ZC3H12B: variants seen among roughly 807,000 people sequenced by gnomAD.
ZC3H12B encodes probable ribonuclease ZC3H12B.
ZC3H12B carries 7 observed loss-of-function variants against 43.9 expected under a neutral mutation model. The ratio of observed to expected loss-of-function variants is 0.16; its 90% confidence interval spans 0.09 to 0.30. The LOEUF is 0.30. ZC3H12B is among the 10% of genes least tolerant of loss of function. The pLI is 1.00. For synonymous variants in ZC3H12B, 222 were observed against 241.7 expected (o/e 0.92, Z 0.76); for missense variants, 475 against 670.2 (o/e 0.71, Z 3.22).
chrX:65,318,834 A>G, the ZC3H12B span, among the ~76,000 whole-genome samples: 2 of 111,308 alleles, frequency 1.8e-5, no homozygotes, highest in Admixed American at 1.9e-4. Context: ...TTCTGGGTGG[A>G]CAATGAAATT....
At chrX:65,258,983 C>A in the ZC3H12B span, among the ~76,000 whole-genome samples, 1 of 111,626 alleles carries the variant, frequency 9.0e-6, no homozygotes. Context: ...ATTAAAATGC[C>A]CATACTGCTC....
At chrX:65,314,986 A>T in the ZC3H12B span, among the ~76,000 whole-genome samples, 15 of 111,434 alleles carry the variant, frequency 1.3e-4, no homozygotes, top group East Asian at 4.3e-3. Context: ...AATCATTAAA[A>T]TGGTAGAGAT....
At chrX:65,247,089 A>C in the ZC3H12B span, among the ~76,000 whole-genome samples, 1 of 107,746 alleles carries the variant, frequency 9.3e-6, no homozygotes, top group South Asian at 3.8e-4. Flanking sequence ...GTGGGCAAAG[A>C]ACACCAACAG....
the ZC3H12B span, among the ~76,000 whole-genome samples, chrX:65,190,044 T>A: frequency 8.9e-6 from 1 of 111,802 alleles, no homozygotes; most frequent in African/African-American, 3.3e-5. Context: ...GCACCATTTA[T>A]TAAATAGGGA....
At chrX:65,111,567 T>C in the ZC3H12B span, among the ~76,000 whole-genome samples, 3 of 108,244 alleles carry the variant, frequency 2.8e-5, no homozygotes, top group Non-Finnish European at 5.7e-5. Flanking sequence ...TTTTTTTTTT[T>C]ACAAATTGAA....
At chrX:65,142,015 C>T in the ZC3H12B span, among the ~76,000 whole-genome samples, 1 of 112,066 alleles carries the variant, frequency 8.9e-6, no homozygotes, top group African/African-American at 3.2e-5. Context: ...TTCTTTTCCT[C>T]TGGGCAGATA....
chrX:65,360,702 C>G, the ZC3H12B span, among the ~76,000 whole-genome samples: 1 of 111,511 alleles, frequency 9.0e-6, no homozygotes, highest in Non-Finnish European at 1.9e-5. Flanking sequence ...GATATTTAAT[C>G]AAGGCAAATA....
exon 5 of ZC3H12B, chrX:65,505,043 A>G (rs1349705108): frequency 8.9e-6 from 1 of 112,479 alleles, no homozygotes; most frequent in African/African-American, 3.2e-5. Flanking sequence ...TATCTTGCTC[A>G]GGGTGGAAAA....
At chrX:65,230,895 G>A in the ZC3H12B span, among the ~76,000 whole-genome samples, 4 of 111,813 alleles carry the variant, frequency 3.6e-5, no homozygotes, top group Admixed American at 9.5e-5. Context: ...CTACTTTAAC[G>A]CTGTAATTTT....
intron 3 of ZC3H12B, among the ~76,000 whole-genome samples, chrX:65,402,626 G>C (rs1410218798): frequency 2.7e-5 from 3 of 112,065 alleles, no homozygotes; most frequent in Non-Finnish European, 3.8e-5. Flanking sequence ...TTGGAACAGA[G>C]AACGAGACTC....
chrX:65,186,458 C>T, the ZC3H12B span: 1 of 103,465 alleles, frequency 9.7e-6, no homozygotes, highest in African/African-American at 3.6e-5. Context: ...CACCACTGTA[C>T]TCCAGCCTGG....
At chrX:65,429,431 T>C (rs2067123788) in intron 3 of ZC3H12B, among the ~76,000 whole-genome samples, 1 of 112,622 alleles carries the variant, frequency 8.9e-6, no homozygotes, top group Non-Finnish European at 1.9e-5. Context: ...CAGAGCTCTG[T>C]CTGTAGAAAA....
intron 2 of ZC3H12B, among the ~76,000 whole-genome samples, chrX:65,376,699 C>A (rs959066616): frequency 8.9e-6 from 1 of 112,001 alleles, no homozygotes; most frequent in Non-Finnish European, 1.9e-5. Flanking sequence ...TTACAGAAAC[C>A]ACAGTATTAC....
At chrX:65,407,220 C>A (rs1187382225) in intron 3 of ZC3H12B, among the ~76,000 whole-genome samples, 2 of 112,445 alleles carry the variant, frequency 1.8e-5, no homozygotes, top group African/African-American at 6.4e-5. Flanking sequence ...GCCGGGCCGG[C>A]CGTGCAGGGC....
the ZC3H12B span, among the ~76,000 whole-genome samples, chrX:65,317,052 G>A: frequency 3.2e-4 from 36 of 110,965 alleles, 1 homozygote; most frequent in Admixed American, 9.6e-5. Flanking sequence ...GACAAAGAAT[G>A]GCATTATATA....
intron 3 of ZC3H12B, among the ~76,000 whole-genome samples, chrX:65,452,109 T>C (rs984771291): frequency 1.8e-5 from 2 of 111,659 alleles, no homozygotes; most frequent in Non-Finnish European, 1.9e-5. Flanking sequence ...CTATTCCCCC[T>C]GAGAACTGGA....
chrX:65,502,238 C>A lies in ZC3H12B; in HGVS notation c.1540C>A (p.Gln514Lys), dbSNP rs752700831. 3.3e-6 allele frequency: 4 copies of A among 1,211,581 alleles called. No individual in the cohort carries two copies. The Admixed American group carries it at 8.7e-5, about 26-fold the overall frequency. ...CTCTTTGGAGCATATGGCCAGCATG[C>A]AGTATCCTCCCATCTTGGTTACCAA... The change falls in exon 5 of 5, where the codon CAG (glutamine) becomes AAG (lysine). Residue 514 changes from glutamine to lysine, a missense_variant. Around this residue, in one of 3 missense-constraint regions of ZC3H12B, gnomAD observed 289 missense variants for 359.9 expected, o/e 0.80. Transcript: ENST00000338957.
the ZC3H12B span, among the ~76,000 whole-genome samples, chrX:65,212,749 C>T: frequency 1.1e-5 from 1 of 92,438 alleles, no homozygotes; most frequent in Non-Finnish European, 2.1e-5. Flanking sequence ...ATATATGTTT[C>T]TCTTAACGTT....
the ZC3H12B span, among the ~76,000 whole-genome samples, chrX:65,289,930 T>A: frequency 8.1e-5 from 9 of 110,875 alleles, no homozygotes; most frequent in Admixed American, 8.7e-4. Context: ...AGCAAGGGAT[T>A]TATTATCCAT....
Sources: gnomAD v4.1 joint callset for allele counts (sites outside exome capture counted in the v4.1 genomes callset) on GRCh38, gnomAD v4.1.1 for gene constraint, gnomAD v4.1.1 regional missense constraint, MANE v1.5 for transcripts, NCBI Gene and HGNC (gene_info 2026-07-23, HGNC 2026-07-21) for gene names.